The following PDZRN4 variants were observed in gnomAD, a reference collection of about 807,000 sequenced individuals.
PDZRN4 encodes PDZ domain containing ring finger 4.
PDZRN4 carries 70 observed loss-of-function variants against 99.0 expected under a neutral mutation model. The ratio of observed to expected loss-of-function variants is 0.71; its 90% CI spans 0.58 to 0.86. The LOEUF is 0.86. PDZRN4 is among the 40% of genes least tolerant of loss of function. PDZRN4 has a pLI of 0.00. For missense variants in PDZRN4, 1,474 were observed against 1,331.2 expected, an observed-to-expected ratio of 1.11 and a Z score of -1.67; for synonymous variants, 551 against 501.6, an observed-to-expected ratio of 1.10 and a Z score of -1.32.
chr12:41,462,315 GT>G (rs887643335), intron 3 of PDZRN4, among the ~76,000 whole-genome samples: 1 of 152,208 alleles, frequency 6.6e-6, no homozygotes, highest in Non-Finnish European at 1.5e-5. Context: ...AGTCATTCAA[GT>G]GCTGAGCATG....
rs192628520 is a variant in PDZRN4, at chr12:41,304,459, C to A, written c.843+110271C>A. 1.3e-4 allele frequency among the ~76,000 whole-genome samples: 20 copies of A among 152,250 alleles called. No homozygotes were observed. The East Asian group carries it at 3.9e-3, about 29-fold the overall frequency. ...ATGAAGCTTTTTCCAAACTTTCCCCCACTCAGTGCTCTCTTCCCAGGAATT... is the reference window on the plus strand; with the variant it reads ...ATGAAGCTTTTTCCAAACTTTCCCCAACTCAGTGCTCTCTTCCCAGGAATT... On this transcript the variant is annotated intron_variant, in intron 3 of 9. Coordinates refer to ENST00000402685, the MANE Select transcript of PDZRN4 (RefSeq NM_001164595.2).
intron 3 of PDZRN4, among the ~76,000 whole-genome samples, chr12:41,435,749 C>T (rs1952623918): frequency 1.3e-5 from 2 of 152,140 alleles, no homozygotes; most frequent in African/African-American, 4.8e-5. Flanking sequence ...AATGGCACCA[C>T]TGCACTCCAC....
intron 3 of PDZRN4, among the ~76,000 whole-genome samples, chr12:41,197,893 T>A (rs1950784802): frequency 6.6e-6 from 1 of 150,394 alleles, no homozygotes; most frequent in East Asian, 1.9e-4. Flanking sequence ...TCTTTCTTCT[T>A]CTTCTTCTTT....
At chr12:41,409,006 T>C (rs900229554) in intron 3 of PDZRN4, among the ~76,000 whole-genome samples, 4 of 152,162 alleles carry the variant, frequency 2.6e-5, no homozygotes, top group African/African-American at 7.2e-5. Context: ...GTAAGTAGAA[T>C]CCAAGTGGTA....
At chr12:41,303,517 G>T (rs1448695922) in intron 3 of PDZRN4, among the ~76,000 whole-genome samples, 1 of 152,140 alleles carries the variant, frequency 6.6e-6, no homozygotes, top group Non-Finnish European at 1.5e-5. Flanking sequence ...TGAAGAACTC[G>T]CCTCTTTCCT....
In PDZRN4 at chr12:41,197,500, T is replaced by C. The variant is rs146283669; in HGVS notation, c.843+3312T>C. ...TAACCAGTTTCTAGCTATTTCCACA[T>C]CCATATTTGTTAAACTATTTATGCT... On this transcript the variant is annotated intron_variant, in intron 3 of 9. Coordinates refer to ENST00000402685, the MANE Select transcript of PDZRN4 (RefSeq NM_001164595.2). Among the ~76,000 whole-genome samples, 567 of 152,306 alleles carry C rather than the reference T, an allele frequency of 3.7e-3. 3 individuals are homozygous for C. The highest frequency in any genetic ancestry group is 6.4e-3 in the Non-Finnish European group (437 of 68,020).
chr12:41,269,462 T>G (rs77577454), intron 3 of PDZRN4, among the ~76,000 whole-genome samples: 2,179 of 152,284 alleles, frequency 0.014, 22 homozygotes, highest in Middle Eastern at 0.034. Context: ...CAGTCAGCAT[T>G]TCATGGCTTC....
chr12:41,218,789 T>A (rs1950936942), intron 3 of PDZRN4, among the ~76,000 whole-genome samples: 1 of 152,142 alleles, frequency 6.6e-6, no homozygotes, highest in Admixed American at 6.6e-5. Flanking sequence ...TAATTTCTGT[T>A]CCTTTATGGC....
intron 3 of PDZRN4, among the ~76,000 whole-genome samples, chr12:41,246,374 A>G (rs919398486): frequency 2.6e-5 from 4 of 152,220 alleles, no homozygotes; most frequent in Admixed American, 6.5e-5. Context: ...AAAAGCTGTC[A>G]TTACAAGATA....
chr12:41,301,584 C>G (rs947909601), intron 3 of PDZRN4, among the ~76,000 whole-genome samples: 6 of 152,022 alleles, frequency 3.9e-5, no homozygotes, highest in African/African-American at 1.4e-4. Context: ...TCACTAAATT[C>G]AAGAGCTTAT....
chr12:41,403,103 C>T (rs1952315829), intron 3 of PDZRN4, among the ~76,000 whole-genome samples: 2 of 152,094 alleles, frequency 1.3e-5, no homozygotes, highest in Non-Finnish European at 1.5e-5. Context: ...TCCTCCTGCT[C>T]ATTCATTTGA....
At chr12:41,480,660 C>A (rs772567549) in intron 3 of PDZRN4, among the ~76,000 whole-genome samples, 1 of 152,040 alleles carries the variant, frequency 6.6e-6, no homozygotes, top group Non-Finnish European at 1.5e-5. Context: ...GGCTTAGTTA[C>A]CAAATGCAGA....
chr12:41,327,606 A>T (rs879837313), intron 3 of PDZRN4, among the ~76,000 whole-genome samples: 1 of 152,104 alleles, frequency 6.6e-6, no homozygotes, highest in Non-Finnish European at 1.5e-5. Context: ...CTCTCAGCAC[A>T]CTCTTGAAAC....
At chr12:41,471,530 AT>A (rs1367945536) in intron 3 of PDZRN4, among the ~76,000 whole-genome samples, 4 of 149,234 alleles carry the variant, frequency 2.7e-5, no homozygotes, top group African/African-American at 9.7e-5. Flanking sequence ...TATAATATTT[AT>A]AATTTATTTA....
rs1952522449 is a variant in PDZRN4 at position 41,424,920 on chromosome 12, G to A, written c.844-81536G>A. Among the ~76,000 whole-genome samples the A allele has an allele frequency of 2.6e-5, 4 of 152,104 alleles. No individual in the cohort carries two copies. The South Asian group carries it at 8.3e-4, about 32-fold the overall frequency. ...GCCCATAACTAGTTGACCACAGCTT[G>A]TCATATCACCCCACTTAGATACAAA... On this transcript the variant is annotated intron_variant, in intron 3 of 9. Transcript: ENST00000402685.
intron 3 of PDZRN4, among the ~76,000 whole-genome samples, chr12:41,475,177 A>G (rs1177310751): frequency 1.3e-5 from 2 of 152,194 alleles, no homozygotes; most frequent in African/African-American, 2.4e-5. Context: ...AACATAATAG[A>G]TGCTCAATAA....
At chr12:41,246,080 G>T (rs1404245735) in intron 3 of PDZRN4, among the ~76,000 whole-genome samples, 1 of 152,134 alleles carries the variant, frequency 6.6e-6, no homozygotes, top group African/African-American at 2.4e-5. Flanking sequence ...GGAGCTTTGG[G>T]TAGACAGGAG....
At chr12:41,464,600 A>G (rs766576366) in intron 3 of PDZRN4, among the ~76,000 whole-genome samples, 3 of 152,216 alleles carry the variant, frequency 2.0e-5, no homozygotes, top group Non-Finnish European at 4.4e-5. Flanking sequence ...GTTTTGCAAC[A>G]GGGTTTACAT....
intron 3 of PDZRN4, among the ~76,000 whole-genome samples, chr12:41,202,367 C>A (rs1315516173): frequency 6.6e-6 from 1 of 152,060 alleles, no homozygotes; most frequent in Non-Finnish European, 1.5e-5. Flanking sequence ...GTATTCCTAG[C>A]AGATTTTAGT....
Sources: allele counts gnomAD v4.1 joint callset (sites outside exome capture counted in the v4.1 genomes callset), GRCh38; gene constraint gnomAD v4.1.1; transcripts MANE v1.5; gene names NCBI Gene and HGNC (gene_info 2026-07-23, HGNC 2026-07-21).